Variants in HS3ST5 observed in about 807,000 individuals in gnomAD.
The protein encoded by HS3ST5 is heparan sulfate glucosamine 3-O-sulfotransferase 5.
A neutral mutation model predicts 25.4 loss-of-function variants in HS3ST5; 10 were observed. The observed-to-expected ratio is 0.39, with a 90% CI of 0.24 to 0.67. The LOEUF (loss-of-function observed/expected upper bound fraction) is 0.67, where lower values mean the gene tolerates loss of function less well. Among genes scored for constraint, HS3ST5 ranks in the 30% least tolerant of loss-of-function variants. The pLI is 0.44. For synonymous variants in HS3ST5, 170 were observed against 162.4 expected (o/e 1.05, Z -0.36); for missense variants, 324 against 420.7 (o/e 0.77, Z 2.01).
At chr6:114,257,531 C>G (rs1772984691) in intron 1 of HS3ST5, among the ~76,000 whole-genome samples, 1 of 152,142 alleles carries the variant, frequency 6.6e-6, no homozygotes, top group African/African-American at 2.4e-5. Context: ...GCTTGTACAT[C>G]TCTACTCCTG....
At chr6:114,152,669 G>A (rs781482604) in intron 3 of HS3ST5, among the ~76,000 whole-genome samples, 2 of 152,134 alleles carry the variant, frequency 1.3e-5, no homozygotes, top group Non-Finnish European at 2.9e-5. Flanking sequence ...AGTTTGTCAA[G>A]TTAGAGGGGC....
At position 114,149,590 on chromosome 6, in the gene HS3ST5, G is replaced by A. The variant is rs112561495; in HGVS notation, c.-33+18761C>T. ...ACACTGGGGCCTGTTGGCAGGTGGG[G>A]GGCAGGGGAGGGAGAGCATTAGGAC... On this transcript the variant is annotated intron_variant, in intron 3 of 4. Transcript: ENST00000312719. Among the ~76,000 whole-genome samples the A allele has an allele frequency of 9.9e-3, 1,512 of 152,192 alleles. 24 individuals are homozygous for A. The highest frequency in any genetic ancestry group is 0.033 in the African/African-American group (1,374 of 41,512).
intron 3 of HS3ST5, among the ~76,000 whole-genome samples, chr6:114,092,330 G>C (rs189808737): frequency 1.3e-5 from 2 of 152,342 alleles, no homozygotes; most frequent in African/African-American, 2.4e-5. Flanking sequence ...GCGGGGCCTT[G>C]AAATGCATTG....
At chr6:114,337,205 A>T (rs935100857) in intron 1 of HS3ST5, among the ~76,000 whole-genome samples, 6 of 152,210 alleles carry the variant, frequency 3.9e-5, no homozygotes, top group Non-Finnish European at 8.8e-5. Context: ...GTATTAAATC[A>T]CATCTTAAAA....
At chr6:114,147,842 A>G (rs1306896570) in intron 3 of HS3ST5, among the ~76,000 whole-genome samples, 2 of 152,132 alleles carry the variant, frequency 1.3e-5, no homozygotes, top group East Asian at 3.9e-4. Flanking sequence ...TGGCCTCCCA[A>G]AGTGCTGGGA....
chr6:114,083,905 C>T (rs1774611558), intron 3 of HS3ST5, among the ~76,000 whole-genome samples: 1 of 152,144 alleles, frequency 6.6e-6, no homozygotes, highest in South Asian at 2.1e-4. Context: ...GGACTGCATT[C>T]TAGTTTGTTT....
At chr6:114,088,318 A>G (rs2114785827) in intron 3 of HS3ST5, among the ~76,000 whole-genome samples, 1 of 151,522 alleles carries the variant, frequency 6.6e-6, no homozygotes, top group Non-Finnish European at 1.5e-5. Context: ...AATGTCCACC[A>G]TGGCCAGTAT....
chr6:114,112,095 A>G (rs1776296034), intron 3 of HS3ST5, among the ~76,000 whole-genome samples: 1 of 152,172 alleles, frequency 6.6e-6, no homozygotes, highest in Non-Finnish European at 1.5e-5. Flanking sequence ...GCAAAACCTC[A>G]ACCATGGTGA....
At chr6:114,115,939 C>T (rs1173376289) in intron 3 of HS3ST5, among the ~76,000 whole-genome samples, 2 of 152,012 alleles carry the variant, frequency 1.3e-5, no homozygotes, top group East Asian at 3.9e-4. Context: ...CTTATCACTG[C>T]AGTTGAACTG....
At chr6:114,179,064 G>A (rs1417137272) in intron 2 of HS3ST5, 1 of 152,146 alleles carries the variant, frequency 6.6e-6, no homozygotes, top group Non-Finnish European at 1.5e-5. Context: ...GTTGCCCAGA[G>A]CAAGACCTTT....
At chr6:114,092,394 C>G (rs1007966239) in intron 3 of HS3ST5, among the ~76,000 whole-genome samples, 2 of 152,122 alleles carry the variant, frequency 1.3e-5, no homozygotes, top group Non-Finnish European at 2.9e-5. Flanking sequence ...AATCTCTCCC[C>G]AAGGAGCTTT....
At chr6:114,119,964 A>G (rs299419) in intron 3 of HS3ST5, among the ~76,000 whole-genome samples, 152,022 of 152,270 alleles carry the variant, frequency 1, 75,888 homozygotes, top group Non-Finnish European at 1. Context: ...GGCCAACGTG[A>G]TGAAACCCCG....
At chr6:114,091,213 G>A (rs1775100555) in intron 3 of HS3ST5, among the ~76,000 whole-genome samples, 1 of 152,100 alleles carries the variant, frequency 6.6e-6, no homozygotes, top group African/African-American at 2.4e-5. Context: ...CTGAACTGGA[G>A]GTGTTAATCT....
At chr6:114,335,137 A>T (rs1672052326) in intron 1 of HS3ST5, among the ~76,000 whole-genome samples, 1 of 152,126 alleles carries the variant, frequency 6.6e-6, no homozygotes, top group Non-Finnish European at 1.5e-5. Flanking sequence ...GGTGAGGATC[A>T]TGGCTCCACC....
intron 1 of HS3ST5, among the ~76,000 whole-genome samples, chr6:114,316,251 T>C (rs1775742638): frequency 6.6e-6 from 1 of 152,228 alleles, no homozygotes; most frequent in Non-Finnish European, 1.5e-5. Context: ...TGTCTGTGTA[T>C]AGATAATTAT....
chr6:114,295,676 A>T (rs571130403), intron 1 of HS3ST5, among the ~76,000 whole-genome samples: 1 of 152,354 alleles, frequency 6.6e-6, no homozygotes, highest in South Asian at 2.1e-4. Flanking sequence ...CAAACTATAT[A>T]GAAGGGAAGG....
At chr6:114,276,635 A>AAAACAAAT (rs1773869837) in intron 1 of HS3ST5, among the ~76,000 whole-genome samples, 1 of 151,554 alleles carries the variant, frequency 6.6e-6, no homozygotes, top group Non-Finnish European at 1.5e-5. Flanking sequence ...AAAAAACAAA[A>AAAACAAAT]AAACTCTCAA....
chr6:114,197,354 C>T (rs1259970660), intron 2 of HS3ST5, among the ~76,000 whole-genome samples: 1 of 152,068 alleles, frequency 6.6e-6, no homozygotes, highest in Admixed American at 6.6e-5. Context: ...GATGACTTCC[C>T]ATATACTCTA....
intron 3 of HS3ST5, among the ~76,000 whole-genome samples, chr6:114,105,020 A>T (rs747129618): frequency 1.1e-4 from 17 of 151,728 alleles, no homozygotes; most frequent in Non-Finnish European, 1.9e-4. Flanking sequence ...TTTTTTTCCT[A>T]TGATCTCCCA....
Sources: gnomAD v4.1 joint callset for allele counts (sites outside exome capture counted in the v4.1 genomes callset) on GRCh38, gnomAD v4.1.1 for gene constraint, MANE v1.5 for transcripts, NCBI Gene and HGNC (gene_info 2026-07-23, HGNC 2026-07-21) for gene names.